The following DAPK1 variants were observed in gnomAD, a reference collection of about 807,000 sequenced individuals.
DAPK1 encodes the protein death associated protein kinase 1.
In DAPK1, 56 loss-of-function variants were observed where a neutral mutation model predicts 144.9. The observed-to-expected ratio is 0.39, with a 90% CI of 0.31 to 0.48. The LOEUF (loss-of-function observed/expected upper bound fraction) is 0.48. Ranked by LOEUF, DAPK1 falls within the 20% of genes least tolerant of loss-of-function variation. The pLI is 0.95. For missense variants in DAPK1, 1,454 were observed against 1,875.4 expected (o/e 0.78, Z 4.15); for synonymous variants, 690 against 749.0 (o/e 0.92, Z 1.29).
At chr9:87,648,691 C>A in intron 14 of DAPK1, 90 bp from the exon 15 acceptor site, 2 of 1,176,288 alleles carry the variant, frequency 1.7e-6, no homozygotes, top group Non-Finnish European at 2.5e-6. Context: ...AGAGTGGAAC[C>A]AGGCAGGCCT....
chr9:87,632,438 A>G, intron 3 of DAPK1: 2 of 982,956 alleles, frequency 2.0e-6, no homozygotes, highest in Non-Finnish European at 2.4e-6. Flanking sequence ...GTGTGTATGT[A>G]AGGATGAAGG....
At chr9:87,531,699 G>C (rs1825703433) in intron 2 of DAPK1, among the ~76,000 whole-genome samples, 1 of 152,184 alleles carries the variant, frequency 6.6e-6, no homozygotes, top group East Asian at 1.9e-4. Context: ...TACAGGTGCT[G>C]TCTATTGTAC....
rs746709775 is a variant in DAPK1, at chr9:87,706,847, G to A, written c.3776G>A (p.Arg1259Gln). ...ATCTACCAGCCACGGGACTTCTTCC[G>A]GGCACAGACTCTGAAGGAAACCTCA... ...VMIYQPRDFF[R>Q]AQTLKETSLT... Residue 1259 changes from arginine (R) to glutamine (Q), a missense_variant, in exon 26 of 26, where the codon CGG becomes CAG. Arg to Gln is a conservative substitution (Grantham distance 43, BLOSUM62 1). Around this residue, in one of 2 missense-constraint regions of DAPK1, gnomAD observed 1,025 missense variants for 1,237.9 expected, o/e 0.83. Transcript: ENST00000408954. The surrounding 1 kb of genome is among the most constrained non-coding windows in gnomAD (Gnocchi z 9.0). 9 of 1,613,842 alleles carry A rather than the reference G, an allele frequency of 5.6e-6. No individual in the cohort carries two copies. The highest frequency in any genetic ancestry group is 3.3e-5 in the Admixed American group (2 of 60,012).
intron 25 of DAPK1, among the ~76,000 whole-genome samples, chr9:87,704,042 A>G (rs1048142356): frequency 5.9e-5 from 9 of 152,154 alleles, no homozygotes; most frequent in African/African-American, 2.2e-4. Context: ...GCCAGTTTGT[A>G]TGAGTCATAC....
At chr9:87,624,167 G>A (rs1387627671) in intron 3 of DAPK1, among the ~76,000 whole-genome samples, 1 of 152,182 alleles carries the variant, frequency 6.6e-6, no homozygotes, top group Non-Finnish European at 1.5e-5. Context: ...GCCACAGCTG[G>A]AGCAGATGCC....
chr9:87,553,458 TAGGGTGCTC>T (rs1272134749), intron 2 of DAPK1: 1 of 152,110 alleles, frequency 6.6e-6, no homozygotes, highest in Non-Finnish European at 1.5e-5. Context: ...GTCTGGTGCT[TAGGGTGCTC>T]AATATTTATT....
chr9:87,669,902 C>T (rs142154435), intron 19 of DAPK1, among the ~76,000 whole-genome samples: 2 of 152,130 alleles, frequency 1.3e-5, no homozygotes, highest in African/African-American at 4.8e-5. Context: ...ATTTTCACAC[C>T]CTTCTGCTTT....
intron 2 of DAPK1, among the ~76,000 whole-genome samples, chr9:87,548,566 A>C (rs889461357): frequency 6.6e-6 from 1 of 152,196 alleles, no homozygotes; most frequent in African/African-American, 2.4e-5. Context: ...GAAACACTGG[A>C]TTCCCCAACA....
chr9:87,706,470 C>T lies in DAPK1; in HGVS notation c.3399C>T (p.Pro1133=), dbSNP rs559897885. ...TGTATGGTGGCGTGCGCATCGTGCC[C>T]GTGGAACACCTCACCCCCTTCCCAT... is the stretch of plus-strand genomic sequence containing the variant. ...VMVYGGVRIV[P]VEHLTPFPCG... The change falls in exon 26 of 26, where the codon CCC becomes CCT. Residue 1133 remains proline, a synonymous_variant. Coordinates refer to ENST00000408954, the MANE Select transcript of DAPK1 (RefSeq NM_004938.4). The surrounding 1 kb of genome is among the most constrained non-coding windows in gnomAD (Gnocchi z 9.0). The T allele has an allele frequency of 3.3e-5, 54 of 1,613,284 alleles. No individual in the cohort carries two copies. The highest frequency in any genetic ancestry group is 1.3e-4 in the Admixed American group (8 of 59,948).
At chr9:87,559,370 G>C (rs1826828229) in intron 2 of DAPK1, among the ~76,000 whole-genome samples, 1 of 152,106 alleles carries the variant, frequency 6.6e-6, no homozygotes, top group African/African-American at 2.4e-5. Context: ...CACCAATGCT[G>C]TGCATAGACC....
intron 2 of DAPK1, among the ~76,000 whole-genome samples, chr9:87,586,229 A>G (rs1479878157): frequency 6.6e-6 from 1 of 152,118 alleles, no homozygotes; most frequent in African/African-American, 2.4e-5. Flanking sequence ...TCCAGGCTAT[A>G]GTGAGCTGAG....
chr9:87,701,720 A>ATTTTTTTTTTTTTTTTTTT (rs59185381), intron 24 of DAPK1: 1 of 240,068 alleles, frequency 4.2e-6, no homozygotes, highest in African/African-American at 2.5e-5. Flanking sequence ...CTCTGGGTGT[A>ATTTTTTTTTTTTTTTTTTT]TTTTTTTTTT....
chr9:87,664,746 CGTAA>C (rs1830990650), intron 18 of DAPK1, among the ~76,000 whole-genome samples: 1 of 152,192 alleles, frequency 6.6e-6, no homozygotes, highest in Admixed American at 6.5e-5. Flanking sequence ...CCTGGTCAGA[CGTAA>C]GTGAGATCTC....
At chr9:87,632,039 T>C (rs1829706685) in intron 3 of DAPK1, 3 of 777,672 alleles carry the variant, frequency 3.9e-6, no homozygotes, top group Non-Finnish European at 4.7e-6. Context: ...TATGTAGGGA[T>C]GAAGGAGGAT....
chr9:87,662,850 T>C (rs981188805), intron 18 of DAPK1, among the ~76,000 whole-genome samples: 4 of 151,984 alleles, frequency 2.6e-5, no homozygotes, highest in Non-Finnish European at 5.9e-5. Flanking sequence ...GGACTTCCAG[T>C]ATTCTTAAAT....
chr9:87,522,906 A>G (rs1033193686), intron 2 of DAPK1, among the ~76,000 whole-genome samples: 1 of 152,004 alleles, frequency 6.6e-6, no homozygotes, highest in African/African-American at 2.4e-5. Context: ...TGAACTTTCT[A>G]TTCATACTCT....
In DAPK1 at chr9:87,582,557, C is replaced by CTTTTTTT. The variant is rs10659497; in HGVS notation, c.63-22388_63-22382dup. 3.6e-5 allele frequency among the ~76,000 whole-genome samples: 5 copies of CTTTTTTT among 139,500 alleles called. 1 individual carries two copies. The highest frequency in any genetic ancestry group is 1.5e-5 in the Non-Finnish European group (1 of 64,842). 91.5% of individuals were successfully genotyped at this position (139,500 alleles called of 152,430 possible). A position where few individuals can be genotyped will look rare whatever the true frequency, so the allele number is the denominator to read the frequency against. On this transcript the variant is annotated intron_variant, in intron 2 of 25. Coordinates refer to ENST00000408954, the MANE Select transcript of DAPK1 (RefSeq NM_004938.4). Reference sequence around the variant, plus strand: ...TGGTCACACTTTGCCAATTTTCCTGCTTTTTTTTTTTTTTTGAGATGGAAT... The same window carrying CTTTTTTT: ...TGGTCACACTTTGCCAATTTTCCTGCTTTTTTTTTTTTTTTTTTTTTTGAGATGGAAT...
At chr9:87,617,890 T>C (rs1440705260) in intron 3 of DAPK1, among the ~76,000 whole-genome samples, 1 of 152,226 alleles carries the variant, frequency 6.6e-6, no homozygotes, top group Non-Finnish European at 1.5e-5. Flanking sequence ...ATCTTCCTGG[T>C]TGCTCAGACT....
intron 14 of DAPK1, among the ~76,000 whole-genome samples, chr9:87,647,972 T>C (rs1315654152): frequency 6.6e-6 from 1 of 152,238 alleles, no homozygotes; most frequent in African/African-American, 2.4e-5. Flanking sequence ...TGCTGGAACC[T>C]GAACCTGGAA....
Sources: gnomAD v4.1 joint callset for allele counts (sites outside exome capture counted in the v4.1 genomes callset) on GRCh38, gnomAD v4.1.1 for gene constraint, gnomAD v4.1.1 regional missense constraint, Gnocchi (gnomAD v3.1) non-coding constraint, MANE v1.5 for transcripts, NCBI Gene and HGNC (gene_info 2026-07-23, HGNC 2026-07-21) for gene names.